The following AMBRA1 variants were observed in gnomAD, a reference collection of about 807,000 sequenced individuals.
The protein encoded by AMBRA1 is autophagy and beclin 1 regulator 1, also known as activating molecule in BECN1-regulated autophagy protein 1.
A neutral mutation model predicts 125.4 loss-of-function variants in AMBRA1; 47 were observed. The ratio of observed to expected loss-of-function variants is 0.37; its 90% confidence interval spans 0.30 to 0.48. The LOEUF (loss-of-function observed/expected upper bound fraction) is 0.48. Ranked by LOEUF, AMBRA1 falls within the 20% of genes least tolerant of loss-of-function variation. The pLI, the probability that AMBRA1 is intolerant of heterozygous loss-of-function variation, is 0.99. For missense variants in AMBRA1, 1,331 were observed against 1,693.4 expected, an observed-to-expected ratio of 0.79 and a Z score of 3.76; for synonymous variants, 626 against 655.5, an observed-to-expected ratio of 0.95 and a Z score of 0.69.
At chr11:46,451,222 AT>A (rs1195373237) in intron 11 of AMBRA1, among the ~76,000 whole-genome samples, 6 of 152,250 alleles carry the variant, frequency 3.9e-5, no homozygotes, top group Admixed American at 3.9e-4. Context: ...AAATCCAGTG[AT>A]CCTGGCTAAC....
At chr11:46,564,440 A>G (rs1000417732) in intron 1 of AMBRA1, among the ~76,000 whole-genome samples, 4 of 152,188 alleles carry the variant, frequency 2.6e-5, no homozygotes, top group Admixed American at 1.3e-4. Context: ...CACAGATCAG[A>G]AAACCAGGCA....
intron 14 of AMBRA1, among the ~76,000 whole-genome samples, chr11:46,430,920 CCA>C (rs1947428399): frequency 1.3e-5 from 2 of 152,150 alleles, no homozygotes; most frequent in Non-Finnish European, 2.9e-5. Context: ...CTGTACTGTC[CCA>C]TTAAACCCTT....
At chr11:46,527,277 C>T (rs1428113337) in intron 7 of AMBRA1, among the ~76,000 whole-genome samples, 1 of 151,804 alleles carries the variant, frequency 6.6e-6, no homozygotes, top group African/African-American at 2.4e-5. Context: ...GCCAGGAGTT[C>T]GAGACCAGCC....
intron 9 of AMBRA1, among the ~76,000 whole-genome samples, chr11:46,502,450 A>G (rs1263034652): frequency 2.1e-4 from 32 of 152,220 alleles, no homozygotes; most frequent in Admixed American, 2.0e-3. Context: ...TTCAAAATGA[A>G]GTAGATAATA....
At chr11:46,550,343 G>A (rs1334915360) in intron 1 of AMBRA1, among the ~76,000 whole-genome samples, 1 of 152,156 alleles carries the variant, frequency 6.6e-6, no homozygotes, top group Non-Finnish European at 1.5e-5. Flanking sequence ...ACATCAGGTG[G>A]CACATATTTT....
At chr11:46,545,581 T>C in intron 5 of AMBRA1, 23 bp downstream of exon 5, 1 of 1,611,006 alleles carries the variant, frequency 6.2e-7, no homozygotes, top group Non-Finnish European at 8.5e-7. Context: ...TGCCAGACAA[T>C]GCAGATGGGG....
chr11:46,517,304 C>T (rs1951535745), intron 7 of AMBRA1, among the ~76,000 whole-genome samples: 1 of 151,226 alleles, frequency 6.6e-6, no homozygotes, highest in South Asian at 2.1e-4. Flanking sequence ...TCCACCACCA[C>T]ACCCAGCTGA....
At chr11:46,506,618 T>G (rs1031405516) in intron 9 of AMBRA1, among the ~76,000 whole-genome samples, 2 of 151,924 alleles carry the variant, frequency 1.3e-5, no homozygotes, top group African/African-American at 2.4e-5. Flanking sequence ...AGATGGAAGG[T>G]GGGGAGGAAA....
Position 46,397,729 on chromosome 11 carries a change from G to C in AMBRA1, c.3618C>G (p.Pro1206=), listed in dbSNP as rs779975161. The change falls in exon 18 of 18, where the codon CCC becomes CCG. Residue 1206 remains proline (P), a synonymous_variant. Transcript: ENST00000683756. ...TEPGAAHTSS[P]QPSTSRGLLP... ...GCAGTCCCCGAGAGGTGGAGGGCTGGGGTGAGGAGGTGTGGGCGGCACCAG... is the reference window on the plus strand; with the variant it reads ...GCAGTCCCCGAGAGGTGGAGGGCTGCGGTGAGGAGGTGTGGGCGGCACCAG... The C allele has an allele frequency of 3.1e-6, 5 of 1,613,146 alleles. No homozygotes were observed. The Admixed American group carries it at 6.7e-5, about 22-fold the overall frequency.
intron 14 of AMBRA1, chr11:46,428,656 C>T: frequency 6.3e-7 from 1 of 1,594,066 alleles, no homozygotes; most frequent in Non-Finnish European, 8.5e-7. Context: ...TCCAATTTTA[C>T]TGAGGTGGCT....
At chr11:46,546,033 CTT>C (rs35703280) in intron 4 of AMBRA1, 3,852 of 138,968 alleles carry the variant, frequency 0.028, 12 homozygotes, top group Non-Finnish European at 0.041. Context: ...GTTCCTATTT[CTT>C]TTTTTTTTTT....
intron 1 of AMBRA1, among the ~76,000 whole-genome samples, chr11:46,593,495 T>TG (rs2044680566): frequency 6.6e-6 from 1 of 151,686 alleles, no homozygotes; most frequent in Non-Finnish European, 1.5e-5. Flanking sequence ...GACTTCGGGG[T>TG]GGGGGGAAAA....
chr11:46,460,811 G>T (rs1415545120), intron 11 of AMBRA1, among the ~76,000 whole-genome samples: 1 of 152,130 alleles, frequency 6.6e-6, no homozygotes, highest in Non-Finnish European at 1.5e-5. Context: ...GGGAGGCCAG[G>T]CACGGTGGCT....
At chr11:46,401,841 AGT>A (rs1459383634) in intron 17 of AMBRA1, among the ~76,000 whole-genome samples, 2 of 152,210 alleles carry the variant, frequency 1.3e-5, no homozygotes, top group African/African-American at 4.8e-5. Flanking sequence ...GCTCTGGTTA[AGT>A]CTGCACCCTG....
chr11:46,419,309 C>T (rs1946728849), intron 14 of AMBRA1, among the ~76,000 whole-genome samples: 1 of 152,168 alleles, frequency 6.6e-6, no homozygotes, highest in Non-Finnish European at 1.5e-5. Context: ...GCAACTTAAT[C>T]AGAGATAGGG....
intron 7 of AMBRA1, among the ~76,000 whole-genome samples, chr11:46,538,917 C>T (rs1051820484): frequency 2.0e-5 from 3 of 152,112 alleles, no homozygotes; most frequent in Non-Finnish European, 1.5e-5. Context: ...TTAAAGATTA[C>T]ATTTATTTTC....
At chr11:46,455,072 G>A (rs552087084) in intron 11 of AMBRA1, among the ~76,000 whole-genome samples, 86 of 152,112 alleles carry the variant, frequency 5.7e-4, no homozygotes, top group African/African-American at 2.0e-3. Context: ...TGTTTTTGTA[G>A]ATATGGGATC....
rs762197243 is a variant in AMBRA1 at position 46,397,661 on chromosome 11, C to T, written c.3686G>A (p.Arg1229Gln). The T allele has an allele frequency of 7.4e-6, 12 of 1,612,854 alleles. No individual in the cohort carries two copies. The highest frequency in any genetic ancestry group is 3.3e-4 in the Middle Eastern group (2 of 6,070). Residue 1229 changes from arginine to glutamine, a missense_variant, in exon 18 of 18, where the codon CGG becomes CAG. Physicochemically the swap from Arg to Gln is conservative, Grantham distance 43. Coordinates refer to ENST00000683756, the MANE Select transcript of AMBRA1 (RefSeq NM_001387011.1). Reference sequence around the variant, plus strand: ...ACCAGGCTGGTCCCAGGAAGCTGTCCGGGGGCTTAGGCCTCGCTCTGCCAG... The same window carrying T: ...ACCAGGCTGGTCCCAGGAAGCTGTCTGGGGGCTTAGGCCTCGCTCTGCCAG... ...GQLAERGLSP[R>Q]TASWDQPGTP...
intron 11 of AMBRA1, among the ~76,000 whole-genome samples, chr11:46,479,816 ACTAT>A (rs1949984252): frequency 6.6e-6 from 1 of 152,096 alleles, no homozygotes; most frequent in African/African-American, 2.4e-5. Context: ...CATGTGTGAA[ACTAT>A]CTGTTATCAG....
Sources: gnomAD v4.1 joint callset for allele counts (sites outside exome capture counted in the v4.1 genomes callset) on GRCh38, gnomAD v4.1.1 for gene constraint, MANE v1.5 for transcripts, NCBI Gene and HGNC (gene_info 2026-07-23, HGNC 2026-07-21) for gene names.